RAB6A: variants seen among roughly 807,000 people sequenced by gnomAD.
The protein encoded by RAB6A is RAB6A, member RAS oncogene family.
Under a neutral mutation model 32.3 loss-of-function variants are expected in RAB6A, and 8 were observed. The ratio of observed to expected loss-of-function variants is 0.25; its 90% CI spans 0.15 to 0.45. RAB6A has a LOEUF of 0.45. Among genes scored for constraint, RAB6A ranks in the 20% least tolerant of loss-of-function variants. The pLI, the probability that RAB6A is intolerant of heterozygous loss-of-function variation, is 1.00. For synonymous variants in RAB6A, 73 were observed against 82.1 expected (o/e 0.89, Z 0.60); for missense variants, 104 against 249.4 (o/e 0.42, Z 3.93).
chr11:73,689,687 G>A (rs909489139), intron 6 of RAB6A, among the ~76,000 whole-genome samples: 3 of 152,044 alleles, frequency 2.0e-5, no homozygotes, highest in Non-Finnish European at 4.4e-5. Flanking sequence ...ACCACTTTGG[G>A]TTGTCCTACC....
At position 73,736,176 on chromosome 11, in the gene RAB6A, C is replaced by A. The variant is rs139046398; in HGVS notation, c.71-5353G>T. Among the ~76,000 whole-genome samples, 228 of 152,138 alleles carry A rather than the reference C, an allele frequency of 1.5e-3. 5 individuals carry two copies. In the East Asian group the frequency reaches 0.041, roughly 27 times the overall value. On this transcript the variant is annotated intron_variant, in intron 1 of 7. Coordinates refer to ENST00000336083, the MANE Select transcript of RAB6A (RefSeq NM_198896.2). ...AGGTGCGGTGGCTCATGGCTGTAATCTCAGCACTTTGAGAGGCCAAGGCGG... is the reference window on the plus strand; with the variant it reads ...AGGTGCGGTGGCTCATGGCTGTAATATCAGCACTTTGAGAGGCCAAGGCGG...
chr11:73,742,842 C>G (rs561705088), intron 1 of RAB6A, among the ~76,000 whole-genome samples: 1 of 151,904 alleles, frequency 6.6e-6, no homozygotes, highest in African/African-American at 2.4e-5. Flanking sequence ...CATCAATGCT[C>G]AAATGGCTAT....
chr11:73,742,258 G>A lies in RAB6A; in HGVS notation c.71-11435C>T, dbSNP rs1056315342. ...GATTGTGCCACTGCACTCCAGCCTGGGCGACAGAGCGAGACTCTGTCTCAA... is the reference window on the plus strand; with the variant it reads ...GATTGTGCCACTGCACTCCAGCCTGAGCGACAGAGCGAGACTCTGTCTCAA... On this transcript the variant is annotated intron_variant, in intron 1 of 7. Transcript: ENST00000336083. Among the ~76,000 whole-genome samples the A allele has an allele frequency of 3.7e-4, 56 of 151,950 alleles. 1 individual carries two copies. The highest frequency in any genetic ancestry group is 4.7e-4 in the Non-Finnish European group (32 of 67,984).
At chr11:73,707,138 A>AG (rs1436743200) in intron 6 of RAB6A, among the ~76,000 whole-genome samples, 2 of 151,554 alleles carry the variant, frequency 1.3e-5, no homozygotes, top group Non-Finnish European at 2.9e-5. Context: ...AAAAAAAAAA[A>AG]AAAAGAAAAG....
At chr11:73,760,405 C>A (rs963886344) in intron 1 of RAB6A, among the ~76,000 whole-genome samples, 161 bp downstream of exon 1, 1 of 152,014 alleles carries the variant, frequency 6.6e-6, no homozygotes, top group Non-Finnish European at 1.5e-5. Context: ...CGGCCACTGG[C>A]GAAGAGCCAG....
intron 5 of RAB6A, among the ~76,000 whole-genome samples, chr11:73,708,328 C>G (rs1011692226): frequency 2.0e-5 from 3 of 152,116 alleles, no homozygotes; most frequent in African/African-American, 7.2e-5. Flanking sequence ...ACCACCACAC[C>G]TGAATAATTT....
chr11:73,705,817 A>C (rs1423331563), intron 6 of RAB6A, among the ~76,000 whole-genome samples: 1 of 147,270 alleles, frequency 6.8e-6, no homozygotes, highest in Non-Finnish European at 1.5e-5. Context: ...TCAATATACT[A>C]TGGTAAGTAA....
intron 1 of RAB6A, among the ~76,000 whole-genome samples, chr11:73,741,166 T>C (rs992907181): frequency 6.7e-6 from 1 of 149,820 alleles, no homozygotes; most frequent in African/African-American, 2.4e-5. Flanking sequence ...CAACAGAGTC[T>C]TGCTCTGTCG....
intron 3 of RAB6A, 126 bp from the exon 4 acceptor site, chr11:73,718,844 C>T: frequency 6.2e-7 from 1 of 1,611,958 alleles, no homozygotes; most frequent in Non-Finnish European, 8.5e-7. Context: ...GGGAATGAGG[C>T]TACGGAAACG....
At chr11:73,711,606 T>C (rs1294256915) in intron 5 of RAB6A, among the ~76,000 whole-genome samples, 1 of 152,232 alleles carries the variant, frequency 6.6e-6, no homozygotes, top group African/African-American at 2.4e-5. Flanking sequence ...TATGTCTTTT[T>C]GTACTCTTAC....
At chr11:73,693,461 C>T (rs967045517) in intron 6 of RAB6A, among the ~76,000 whole-genome samples, 4 of 151,644 alleles carry the variant, frequency 2.6e-5, no homozygotes, top group Admixed American at 1.3e-4. Context: ...CAGTGGCTCA[C>T]GCCTGCAATC....
At chr11:73,693,994 C>T (rs1302264004) in intron 6 of RAB6A, among the ~76,000 whole-genome samples, 3 of 152,160 alleles carry the variant, frequency 2.0e-5, no homozygotes, top group Admixed American at 6.5e-5. Context: ...TGTGTGAAGT[C>T]TTTCCCTCTA....
chr11:73,748,294 C>T (rs1478914481), intron 1 of RAB6A, among the ~76,000 whole-genome samples: 1 of 152,116 alleles, frequency 6.6e-6, no homozygotes, highest in African/African-American at 2.4e-5. Context: ...TGAACAGTAT[C>T]CCAAAAATAA....
intron 1 of RAB6A, among the ~76,000 whole-genome samples, chr11:73,731,889 AC>A (rs1219670877): frequency 1.3e-5 from 2 of 150,548 alleles, no homozygotes; most frequent in Non-Finnish European, 3.0e-5. Context: ...CTACAGGTGC[AC>A]GCCACCATGC....
rs190545185 is a variant in RAB6A at position 73,726,200 on chromosome 11, G to A, written c.129+4565C>T. 4.4e-4 allele frequency among the ~76,000 whole-genome samples: 67 copies of A among 151,048 alleles called. 1 individual carries two copies. The East Asian group carries it at 0.012, about 26-fold the overall frequency. The stretch of plus-strand genomic sequence containing the variant: ...TTCGGGAGGCTGAGGCAGGAGAATC[G>A]CTTGAACCCAGGAGGCAGAGGTTGT... On this transcript the variant is annotated intron_variant, in intron 2 of 7. Coordinates refer to ENST00000336083, the MANE Select transcript of RAB6A (RefSeq NM_198896.2).
chr11:73,760,493 CG>C, intron 1 of RAB6A, 72 bp downstream of exon 1: 1 of 1,517,682 alleles, frequency 6.6e-7, no homozygotes, highest in South Asian at 1.2e-5. Context: ...CCTCCGCGGA[CG>C]GAAGGGCCGC....
intron 2 of RAB6A, chr11:73,730,138 TA>T (rs1946281769): frequency 6.6e-6 from 1 of 152,288 alleles, no homozygotes; most frequent in African/African-American, 2.4e-5. Flanking sequence ...ACCTAAATTT[TA>T]AAATAGCTTC....
intron 2 of RAB6A, chr11:73,722,337 ATATATATTTTTTT>A (rs1420034602): frequency 4.7e-3 from 47 of 9,936 alleles, no homozygotes; most frequent in East Asian, 5.8e-3. Flanking sequence ...ATATATATAT[ATATATATTTTTTT>A]TTTTTTTTTT....
At chr11:73,709,952 T>C (rs865914595) in intron 5 of RAB6A, among the ~76,000 whole-genome samples, 13 of 56,688 alleles carry the variant, frequency 2.3e-4, no homozygotes, top group African/African-American at 5.1e-4. Flanking sequence ...CACACACACA[T>C]ATATATATAT....
Sources: allele counts gnomAD v4.1 joint callset (sites outside exome capture counted in the v4.1 genomes callset), GRCh38; gene constraint gnomAD v4.1.1; transcripts MANE v1.5; gene names NCBI Gene and HGNC (gene_info 2026-07-23, HGNC 2026-07-21).